The following DNAJC10 variants were observed in gnomAD, a reference collection of about 807,000 sequenced individuals.
DNAJC10 encodes the protein DnaJ heat shock protein family (Hsp40) member C10, also known as endoplasmic reticulum disulfide reductase DNAJC10.
A neutral mutation model predicts 115.0 loss-of-function variants in DNAJC10; 101 were observed. The ratio of observed to expected loss-of-function variants is 0.88; its 90% confidence interval spans 0.75 to 1.04. The LOEUF (loss-of-function observed/expected upper bound fraction) is 1.04, where lower values mean the gene tolerates loss of function less well. Among genes scored for constraint, DNAJC10 ranks in the 50% least tolerant of loss-of-function variants. DNAJC10 has a pLI of 0.00. For missense variants in DNAJC10, 981 were observed against 928.8 expected (o/e 1.06, Z -0.73); for synonymous variants, 307 against 301.5 (o/e 1.02, Z -0.19).
At position 182,718,244 on chromosome 2, in the gene DNAJC10, A is replaced by T; in HGVS notation, c.158A>T (p.Gln53Leu). Residue 53 changes from glutamine (Q) to leucine (L), a missense_variant, in exon 3 of 24, where the codon CAA becomes CTA. By Grantham distance (113) the Gln-to-Leu change is moderately radical. Transcript: ENST00000264065. ...SKTASSREIR[Q>L]AFKKLALKLH... ...ACTGCAAGCAGTAGAGAAATAAGACAAGCTTTCAAGAAATTGGCATTGAAG... is the reference window on the plus strand; with the variant it reads ...ACTGCAAGCAGTAGAGAAATAAGACTAGCTTTCAAGAAATTGGCATTGAAG... The T allele has an allele frequency of 1.2e-6, 2 of 1,612,114 alleles. No homozygotes were observed. Among genetic ancestry groups the T allele is most frequent in the Non-Finnish European group, 1.7e-6 (2 of 1,179,476 alleles).
chr2:182,743,574 A>G, intron 13 of DNAJC10, 24 bp from the exon 14 acceptor site: 1 of 1,528,908 alleles, frequency 6.5e-7, no homozygotes. Context: ...TGTTTTTATC[A>G]AATTTGACCT....
At chr2:182,775,171 T>C in intron 22 of DNAJC10, 145 bp from the exon 23 acceptor site, 1 of 594,832 alleles carries the variant, frequency 1.7e-6, no homozygotes. Context: ...TGCAGCATTA[T>C]TTCCTTGAAG....
rs548376503 is a variant in DNAJC10 at position 182,737,857 on chromosome 2, A to G, written c.987+1471A>G. Among the ~76,000 whole-genome samples the G allele has an allele frequency of 9.8e-4, 149 of 152,266 alleles. 1 individual carries two copies. The highest frequency in any genetic ancestry group is 1.2e-3 in the Non-Finnish European group (81 of 68,012). Reference sequence around the variant, plus strand: ...ATTTCTCTTTTTCTCATACCTTATAACCAATTCATCAAGAAAATCTATGGC... The same window carrying G: ...ATTTCTCTTTTTCTCATACCTTATAGCCAATTCATCAAGAAAATCTATGGC... On this transcript the variant is annotated intron_variant, in intron 11 of 23. Coordinates refer to ENST00000264065, the MANE Select transcript of DNAJC10 (RefSeq NM_018981.4).
intron 19 of DNAJC10, among the ~76,000 whole-genome samples, chr2:182,758,551 A>G (rs759771664): frequency 7.9e-5 from 12 of 152,066 alleles, no homozygotes; most frequent in Non-Finnish European, 1.3e-4. Flanking sequence ...AGAAACTAAA[A>G]CCCTTGGACA....
At chr2:182,755,615 G>A (rs1236451350) in intron 17 of DNAJC10, among the ~76,000 whole-genome samples, 1 of 152,076 alleles carries the variant, frequency 6.6e-6, no homozygotes, top group Non-Finnish European at 1.5e-5. Context: ...AGTGAAGCTA[G>A]CCTCTTCATC....
chr2:182,751,857 A>G (rs1694029730), intron 15 of DNAJC10, 72 bp downstream of exon 15: 1 of 1,557,750 alleles, frequency 6.4e-7, no homozygotes, highest in Non-Finnish European at 8.7e-7. Context: ...GACATTTTCT[A>G]GATAACTTTG....
Position 182,783,200 on chromosome 2 carries a change from G to A in DNAJC10, c.*6068G>A, listed in dbSNP as rs1694886345. 6.6e-6 allele frequency: 1 copy of A among 152,092 alleles called. No homozygotes were observed. The highest frequency in any genetic ancestry group is 1.5e-5 in the Non-Finnish European group (1 of 68,002). The allele number at this position is 152,092 out of a possible 1,614,324, so 9.4% of individuals were successfully genotyped here. ...TAACTGCTATTTCAAATGTTTGGAG[G>A]AAGTAAAATGTCTTTAAAAGAATAA... On this transcript the variant is annotated 3_prime_UTR_variant, in exon 24 of 24. Coordinates refer to ENST00000264065, the MANE Select transcript of DNAJC10 (RefSeq NM_018981.4).
chr2:182,775,170 A>G (rs1694673110), intron 22 of DNAJC10, 146 bp from the exon 23 acceptor site: 4 of 571,890 alleles, frequency 7.0e-6, no homozygotes, highest in Non-Finnish European at 1.2e-5. Flanking sequence ...TTGCAGCATT[A>G]TTTCCTTGAA....
intron 22 of DNAJC10, among the ~76,000 whole-genome samples, chr2:182,765,885 G>T (rs142286001): frequency 7.5e-4 from 114 of 152,292 alleles, no homozygotes; most frequent in African/African-American, 2.6e-3. Context: ...TTTATAGTTT[G>T]TGGAAGGTTT....
rs78234892 is a variant in DNAJC10 at position 182,756,527 on chromosome 2, A to G, written c.1809+58A>G. The G allele has an allele frequency of 4.8e-3, 7,366 of 1,522,410 alleles. 308 individuals carry two copies. In the African/African-American group the frequency reaches 0.091, roughly 19 times the overall value. The allele number at this position is 1,522,410 out of a possible 1,614,324, so 94.3% of individuals were successfully genotyped here. ...CATTTACTAAGAATGTTTATTTAAC[A>G]GAATTATTTTGAAACGGATGTGAAT... On this transcript the variant is annotated intron_variant, in intron 18 of 23. Coordinates refer to ENST00000264065, the MANE Select transcript of DNAJC10 (RefSeq NM_018981.4).
chr2:182,758,795 A>G (rs1245930829), intron 19 of DNAJC10, 42 bp from the exon 20 acceptor site: 2 of 1,374,852 alleles, frequency 1.5e-6, no homozygotes, highest in African/African-American at 1.4e-5. Context: ...ACATCCAATA[A>G]TAGAGAATCC....
intron 21 of DNAJC10, 67 bp downstream of exon 21, chr2:182,759,374 T>A (rs1574949181): frequency 6.8e-7 from 1 of 1,466,886 alleles, no homozygotes; most frequent in Non-Finnish European, 9.2e-7. Flanking sequence ...TAAAACATTG[T>A]AAGTATGTAA....
At chr2:182,756,557 C>G (rs1222628408) in intron 18 of DNAJC10, 88 bp downstream of exon 18, 20 of 1,260,834 alleles carry the variant, frequency 1.6e-5, no homozygotes, top group Non-Finnish European at 2.0e-5. Context: ...GTGAATGAAC[C>G]CACAACTAAA....
rs1163999239 is a variant in DNAJC10 at position 182,782,312 on chromosome 2, G to A, written c.*5180G>A. On this transcript the variant is annotated 3_prime_UTR_variant, in exon 24 of 24. Transcript: ENST00000264065. ...TTCTGTTCCATTGGTCTATAGCTCT[G>A]TTTTGGTACCAGTACCATGCTGTTT... 6.6e-6 allele frequency: 1 copy of A among 152,088 alleles called. No homozygotes were observed. The highest frequency in any genetic ancestry group is 1.9e-4 in the East Asian group (1 of 5,194). The allele number at this position is 152,088 out of a possible 1,614,324, so 9.4% of individuals were successfully genotyped here.
At position 182,777,239 on chromosome 2, in the gene DNAJC10, T is replaced by C; in HGVS notation, c.*107T>C. On this transcript the variant is annotated 3_prime_UTR_variant, in exon 24 of 24. Coordinates refer to ENST00000264065, the MANE Select transcript of DNAJC10 (RefSeq NM_018981.4). Reference sequence around the variant, plus strand: ...TGATGGGAATGAATGAACATTATCTTAGACTTGCAGTTGTACTGCCAGAAT... The same window carrying C: ...TGATGGGAATGAATGAACATTATCTCAGACTTGCAGTTGTACTGCCAGAAT... 1.3e-5 allele frequency: 9 copies of C among 707,566 alleles called. No individual in the cohort carries two copies. The highest frequency in any genetic ancestry group is 1.9e-5 in the Non-Finnish European group (9 of 470,012). 43.8% of individuals were successfully genotyped at this position (707,566 alleles called of 1,614,324 possible). A position where few individuals can be genotyped will look rare whatever the true frequency, so the allele number is the denominator to read the frequency against.
chr2:182,731,202 C>T, intron 9 of DNAJC10, 95 bp downstream of exon 9: 1 of 785,488 alleles, frequency 1.3e-6, no homozygotes, highest in Non-Finnish European at 2.0e-6. Flanking sequence ...TTATTAAGTA[C>T]TAGAAACTAC....
chr2:182,742,262 G>A (rs1693755297), intron 13 of DNAJC10, among the ~76,000 whole-genome samples: 1 of 152,124 alleles, frequency 6.6e-6, no homozygotes, highest in African/African-American at 2.4e-5. Flanking sequence ...TTGACTCACT[G>A]CAACCTCAGC....
chr2:182,733,888 A>G (rs1180504845), intron 10 of DNAJC10, among the ~76,000 whole-genome samples: 2 of 151,446 alleles, frequency 1.3e-5, no homozygotes, highest in Admixed American at 6.6e-5. Flanking sequence ...CTTTGAAGCA[A>G]ATGTGTAAAT....
chr2:182,786,811 T>C lies in DNAJC10; in HGVS notation c.*9679T>C, dbSNP rs1694954674. 1 of 152,214 alleles carries C rather than the reference T, an allele frequency of 6.6e-6. No individual in the cohort carries two copies. Among genetic ancestry groups the C allele is most frequent in the African/African-American group, 2.4e-5 (1 of 41,450 alleles). 9.4% of individuals were successfully genotyped at this position (152,214 alleles called of 1,614,324 possible). A position where few individuals can be genotyped will look rare whatever the true frequency, so the allele number is the denominator to read the frequency against. ...CGAATGTTTATATCCCCTCCTGCTC[T>C]CCCTAAAATTATGTTGAAATCCTAA... On this transcript the variant is annotated 3_prime_UTR_variant, in exon 24 of 24. Coordinates refer to ENST00000264065, the MANE Select transcript of DNAJC10 (RefSeq NM_018981.4).
Sources: allele counts gnomAD v4.1 joint callset (sites outside exome capture counted in the v4.1 genomes callset), GRCh38; gene constraint gnomAD v4.1.1; transcripts MANE v1.5; gene names NCBI Gene and HGNC (gene_info 2026-07-23, HGNC 2026-07-21).